Variants in UST observed in about 807,000 individuals in gnomAD.
UST encodes the protein chondroitin sulfate 2-O-sulfotransferase.
In UST, 21 loss-of-function variants were observed where a neutral mutation model predicts 45.6. The observed-to-expected ratio is 0.46, with a 90% confidence interval of 0.33 to 0.66. The LOEUF (loss-of-function observed/expected upper bound fraction) is 0.66. Among genes scored for constraint, UST ranks in the 30% least tolerant of loss-of-function variants. UST has a pLI of 0.02. For missense variants in UST, 463 were observed against 512.4 expected, an observed-to-expected ratio of 0.90 and a Z score of 0.93; for synonymous variants, 215 against 200.6, an observed-to-expected ratio of 1.07 and a Z score of -0.61.
intron 4 of UST, 95 bp downstream of exon 4, chr6:148,954,046 C>A: frequency 1.1e-6 from 1 of 884,076 alleles, no homozygotes; most frequent in Non-Finnish European, 1.7e-6. Context: ...TGCAATTGCC[C>A]TTGAAAAGAC....
intron 7 of UST, among the ~76,000 whole-genome samples, chr6:149,023,841 C>T (rs910564395): frequency 3.9e-5 from 6 of 152,206 alleles, no homozygotes; most frequent in African/African-American, 1.2e-4. Flanking sequence ...CCTATTTTCT[C>T]CATTTAAATA....
chr6:149,027,276 A>G (rs1776063512), intron 7 of UST, among the ~76,000 whole-genome samples: 1 of 152,240 alleles, frequency 6.6e-6, no homozygotes, highest in South Asian at 2.1e-4. Flanking sequence ...TATCAGCCTG[A>G]GTTCTATACT....
chr6:148,849,021 C>G (rs1778053325), intron 1 of UST, among the ~76,000 whole-genome samples: 1 of 152,184 alleles, frequency 6.6e-6, no homozygotes, highest in African/African-American at 2.4e-5. Flanking sequence ...AGGGCAGGAG[C>G]AGAAGGGTGT....
intron 2 of UST, among the ~76,000 whole-genome samples, chr6:148,908,237 A>G (rs761924123): frequency 3.3e-5 from 5 of 152,154 alleles, no homozygotes; most frequent in Non-Finnish European, 7.3e-5. Flanking sequence ...TGTTTTAACT[A>G]GTTTTTATTC....
rs550584419 is a variant in UST, at chr6:148,973,029, C to T, written c.681+8466C>T. 1.2e-4 allele frequency among the ~76,000 whole-genome samples: 19 copies of T among 152,316 alleles called. No homozygotes were observed. The East Asian group carries it at 3.5e-3, about 28-fold the overall frequency. On this transcript the variant is annotated intron_variant, in intron 5 of 7. Transcript: ENST00000367463. ...GCACCCCCTGAATGCCTTATGGAAGCTTACCTTCTTATCCTCTGCCCATTT... is the reference window on the plus strand; with the variant it reads ...GCACCCCCTGAATGCCTTATGGAAGTTTACCTTCTTATCCTCTGCCCATTT...
intron 5 of UST, among the ~76,000 whole-genome samples, chr6:148,969,103 T>C (rs1376861348): frequency 6.6e-6 from 1 of 152,230 alleles, no homozygotes; most frequent in African/African-American, 2.4e-5. Flanking sequence ...CTTGAAAGTT[T>C]TGGACTCTGA....
chr6:149,037,985 C>T (rs1446868029), intron 7 of UST, among the ~76,000 whole-genome samples: 1 of 152,206 alleles, frequency 6.6e-6, no homozygotes. Flanking sequence ...GTTTGGCCTT[C>T]TTGGCTTCAA....
chr6:148,882,457 G>A (rs1221612848), intron 1 of UST, among the ~76,000 whole-genome samples: 1 of 122,026 alleles, frequency 8.2e-6, no homozygotes, highest in East Asian at 2.6e-4. Context: ...TTGCACTCCA[G>A]CCCGGGCAAC....
At chr6:148,965,061 GT>G (rs1780758031) in intron 5 of UST, among the ~76,000 whole-genome samples, 1 of 152,152 alleles carries the variant, frequency 6.6e-6, no homozygotes, top group African/African-American at 2.4e-5. Flanking sequence ...GCGACCGACT[GT>G]TTCGGGTTTC....
intron 1 of UST, among the ~76,000 whole-genome samples, chr6:148,833,519 G>A (rs1777730046): frequency 6.6e-6 from 1 of 152,146 alleles, no homozygotes; most frequent in Non-Finnish European, 1.5e-5. Flanking sequence ...AACCCCAACT[G>A]TGGAACCTAT....
At chr6:149,020,746 AC>A (rs1775964973) in intron 6 of UST, among the ~76,000 whole-genome samples, 1 of 152,212 alleles carries the variant, frequency 6.6e-6, no homozygotes, top group Non-Finnish European at 1.5e-5. Flanking sequence ...GAGCTGGCCT[AC>A]AAATCAGCTC....
At chr6:148,858,628 C>T (rs1778249409) in intron 1 of UST, among the ~76,000 whole-genome samples, 1 of 152,068 alleles carries the variant, frequency 6.6e-6, no homozygotes, top group Non-Finnish European at 1.5e-5. Context: ...GGTATATCTC[C>T]TAATGCTATC....
intron 1 of UST, among the ~76,000 whole-genome samples, chr6:148,795,090 A>G (rs537977090): frequency 6.6e-6 from 1 of 152,372 alleles, no homozygotes; most frequent in East Asian, 1.9e-4. Context: ...TTTCTGGTCC[A>G]GTTGCAAAGA....
intron 5 of UST, among the ~76,000 whole-genome samples, chr6:148,990,880 A>T (rs1781337165): frequency 6.6e-6 from 1 of 152,130 alleles, no homozygotes; most frequent in African/African-American, 2.4e-5. Context: ...ACTCAGTAAG[A>T]CTTGGAAGCT....
chr6:148,760,943 C>G (rs1413512305), intron 1 of UST, among the ~76,000 whole-genome samples: 1 of 152,220 alleles, frequency 6.6e-6, no homozygotes, highest in African/African-American at 2.4e-5. Flanking sequence ...TAGCCCCCTT[C>G]CTCTGTCTAC....
chr6:148,933,596 G>A (rs1779962756), intron 2 of UST, among the ~76,000 whole-genome samples: 1 of 152,124 alleles, frequency 6.6e-6, no homozygotes, highest in Non-Finnish European at 1.5e-5. Context: ...TTGCAATGAG[G>A]GGAAATAGAA....
At chr6:148,770,196 G>T (rs77780791) in intron 1 of UST, among the ~76,000 whole-genome samples, 19,146 of 151,640 alleles carry the variant, frequency 0.13, 1,534 homozygotes, top group Middle Eastern at 0.17. Context: ...AGACATTATT[G>T]GTAATAGAGA....
At chr6:149,011,326 A>G (rs11967885) in intron 5 of UST, among the ~76,000 whole-genome samples, 35,517 of 152,104 alleles carry the variant, frequency 0.23, 4,262 homozygotes, top group Non-Finnish European at 0.25. Flanking sequence ...GGGTAATGGC[A>G]GTGGCGGGGA....
intron 1 of UST, among the ~76,000 whole-genome samples, chr6:148,787,283 C>G (rs970127692): frequency 1.3e-5 from 2 of 152,128 alleles, no homozygotes; most frequent in African/African-American, 4.8e-5. Context: ...TCCTGAATGA[C>G]GTTGCCTAGG....
Sources: allele counts gnomAD v4.1 joint callset (sites outside exome capture counted in the v4.1 genomes callset), GRCh38; gene constraint gnomAD v4.1.1; transcripts MANE v1.5; gene names NCBI Gene and HGNC (gene_info 2026-07-23, HGNC 2026-07-21).